The following LMLN variants were observed in gnomAD, a reference collection of about 807,000 sequenced individuals.
The protein encoded by LMLN is leishmanolysin-like peptidase.
Under a neutral mutation model 92.3 loss-of-function variants are expected in LMLN, and 70 were observed. The ratio of observed to expected loss-of-function variants is 0.76; its 90% CI spans 0.63 to 0.92. The LOEUF is 0.92. LMLN is among the 40% of genes least tolerant of loss of function. LMLN has a pLI of 0.00. For synonymous variants in LMLN, 308 were observed against 296.2 expected, an observed-to-expected ratio of 1.04 and a Z score of -0.41; for missense variants, 691 against 814.6, an observed-to-expected ratio of 0.85 and a Z score of 1.85.
At chr3:198,038,381 T>A (rs1723293790) in intron 15 of LMLN, 186 bp from the exon 17 acceptor site, 1 of 539,530 alleles carries the variant, frequency 1.9e-6, no homozygotes, top group African/African-American at 1.9e-5. Context: ...TTCCTCCATA[T>A]ATATTTTTCC....
chr3:198,029,360 A>C (rs1264520800), intron 14 of LMLN, among the ~76,000 whole-genome samples: 1 of 152,200 alleles, frequency 6.6e-6, no homozygotes, highest in Non-Finnish European at 1.5e-5. Context: ...GTTTGAAACA[A>C]ATTTGTTGTC....
At chr3:198,040,253 CA>C (rs1723363421) in exon 16 of LMLN, 1 of 152,192 alleles carries the variant, frequency 6.6e-6, no homozygotes, top group African/African-American at 2.4e-5. Flanking sequence ...ACTCAGTCCA[CA>C]GAAGCTGGAA....
At chr3:198,015,238 C>G (rs1349695007) in intron 11 of LMLN, among the ~76,000 whole-genome samples, 8 of 126,700 alleles carry the variant, frequency 6.3e-5, no homozygotes, top group African/African-American at 1.9e-4. Flanking sequence ...TGACTTCTCT[C>G]CACCCTTCAG....
chr3:197,993,370 A>C (rs1721929569), intron 9 of LMLN, among the ~76,000 whole-genome samples: 1 of 152,046 alleles, frequency 6.6e-6, no homozygotes, highest in Non-Finnish European at 1.5e-5. Context: ...TAGAGACTCC[A>C]TCAAAAATTA....
intron 5 of LMLN, among the ~76,000 whole-genome samples, chr3:197,977,384 G>A (rs1010664199): frequency 1.3e-4 from 20 of 151,670 alleles, no homozygotes; most frequent in African/African-American, 4.4e-4. Flanking sequence ...TTAAATCTGG[G>A]TACATATAAA....
intron 14 of LMLN, among the ~76,000 whole-genome samples, chr3:198,034,376 G>A (rs1398743468): frequency 1.3e-5 from 2 of 152,060 alleles, no homozygotes; most frequent in Non-Finnish European, 2.9e-5. Context: ...TTGGGAGGCC[G>A]AGGCGGGCAG....
At chr3:198,010,605 C>G (rs1301553077) in intron 11 of LMLN, among the ~76,000 whole-genome samples, 1 of 152,110 alleles carries the variant, frequency 6.6e-6, no homozygotes, top group East Asian at 1.9e-4. Flanking sequence ...CACACACCCC[C>G]ACACCCAGCT....
chr3:198,027,232 G>T (rs867873170), intron 14 of LMLN, among the ~76,000 whole-genome samples: 9 of 151,930 alleles, frequency 5.9e-5, no homozygotes, highest in Non-Finnish European at 8.8e-5. Context: ...AACTCTGCGT[G>T]ACCTCCCGGT....
chr3:197,962,045 T>C (rs1386772116), intron 1 of LMLN, among the ~76,000 whole-genome samples: 1 of 152,200 alleles, frequency 6.6e-6, no homozygotes. Flanking sequence ...ATGCCACAAA[T>C]GTATCCATGC....
At chr3:197,999,950 G>A (rs1288878756) in intron 11 of LMLN, among the ~76,000 whole-genome samples, 2 of 152,310 alleles carry the variant, frequency 1.3e-5, no homozygotes, top group East Asian at 3.9e-4. Flanking sequence ...AATTATAAAG[G>A]AAAGACTAAA....
At chr3:198,021,718 A>G in intron 13 of LMLN, 113 bp downstream of exon 14, 2 of 865,376 alleles carry the variant, frequency 2.3e-6, no homozygotes, top group Non-Finnish European at 3.5e-6. Flanking sequence ...AATTTGCTTT[A>G]TAGTTCAGCT....
intron 1 of LMLN, among the ~76,000 whole-genome samples, chr3:197,962,094 C>T (rs1384847010): frequency 6.6e-6 from 1 of 152,106 alleles, no homozygotes. Flanking sequence ...CAACATAGAA[C>T]GTTCCCACAT....
rs985153924 is a variant in LMLN at position 197,971,265 on chromosome 3, A to G, written c.220-3112A>G. Reference sequence around the variant, plus strand: ...CTGGGGAGGCCTCAGGAAACTTACAATCATGGTGGAAGATGAAGGAGAAGC... The same window carrying G: ...CTGGGGAGGCCTCAGGAAACTTACAGTCATGGTGGAAGATGAAGGAGAAGC... On this transcript the variant is annotated intron_variant, in intron 1 of 15. Coordinates refer to ENST00000330198, the Ensembl canonical transcript of LMLN. Among the ~76,000 whole-genome samples the G allele has an allele frequency of 2.6e-5, 4 of 152,190 alleles. No individual in the cohort carries two copies. In the East Asian group the frequency reaches 5.8e-4, roughly 22 times the overall value.
At position 197,960,297 on chromosome 3, in the gene LMLN, C is replaced by T. The variant is rs767938008; in HGVS notation, c.76C>T (p.Arg26Trp). The change falls in exon 1 of 16, where the codon CGG (arginine) becomes TGG (tryptophan). Residue 26 changes from arginine to tryptophan, a missense_variant. Physicochemically the swap from Arg to Trp is moderately radical, Grantham distance 101. Around this residue, in one of 4 missense-constraint regions of LMLN, gnomAD observed 91 missense variants for 52.5 expected, o/e 1.73. Transcript: ENST00000330198. ...GGGTTACTCGGGCTCAGGCCCGGGC[C>T]GGAGCCGGTGGCGCTGGAGCGGGTC... 18 of 1,613,786 alleles carry T rather than the reference C, an allele frequency of 1.1e-5. No individual in the cohort carries two copies. The highest frequency in any genetic ancestry group is 6.7e-5 in the East Asian group (3 of 44,854).
chr3:198,037,108 G>C (rs942459122), intron 15 of LMLN, among the ~76,000 whole-genome samples: 2 of 152,166 alleles, frequency 1.3e-5, no homozygotes, highest in Non-Finnish European at 2.9e-5. Flanking sequence ...CCTTAAATTT[G>C]TTGGTTCACC....
intron 11 of LMLN, among the ~76,000 whole-genome samples, chr3:198,014,943 C>T (rs1382542820): frequency 7.5e-5 from 10 of 132,564 alleles, no homozygotes; most frequent in South Asian, 2.6e-4. Context: ...GACTTCTCTC[C>T]ACCCTTCAGA....
In LMLN at chr3:198,025,679, CTTAA is replaced by C. The variant is rs1722913729; in HGVS notation, c.1656+895_1656+898del. 1.3e-5 allele frequency among the ~76,000 whole-genome samples: 2 copies of C among 152,166 alleles called. No homozygotes were observed. Among genetic ancestry groups the C allele is most frequent in the South Asian group, 2.1e-4 (1 of 4,826 alleles). On this transcript the variant is annotated intron_variant, in intron 14 of 15. Coordinates refer to ENST00000330198, the Ensembl canonical transcript of LMLN. This position sits in a 1 kb window ranked among gnomAD's most constrained non-coding sequence, Gnocchi z 4.3. ...GCCACCATGCCTCGCCTACTATTTC[CTTAA>C]TTATCTTATTTGCACATCTGATATT...
chr3:197,960,415 G>A (rs1210421167), exon 1 of LMLN: 5 of 1,613,840 alleles, frequency 3.1e-6, no homozygotes, highest in African/African-American at 2.7e-5. Flanking sequence ...CCTCCCTGCC[G>A]GCACCACGTC....
intron 12 of LMLN, among the ~76,000 whole-genome samples, chr3:198,020,635 C>T (rs1055777931): frequency 1.1e-4 from 17 of 151,904 alleles, no homozygotes; most frequent in Non-Finnish European, 2.5e-4. Context: ...TGCTGTGTCA[C>T]CAGGCTGGAG....
Sources: gnomAD v4.1 joint callset for allele counts (sites outside exome capture counted in the v4.1 genomes callset) on GRCh38, gnomAD v4.1.1 for gene constraint, gnomAD v4.1.1 regional missense constraint, Gnocchi (gnomAD v3.1) non-coding constraint, MANE v1.5 for transcripts, NCBI Gene and HGNC (gene_info 2026-07-23, HGNC 2026-07-21) for gene names.